MAP2K4: variants seen among roughly 807,000 people sequenced by gnomAD.
MAP2K4 encodes dual specificity mitogen-activated protein kinase kinase 4.
Under a neutral mutation model 48.5 loss-of-function variants are expected in MAP2K4, and 4 were observed. That is an observed-to-expected ratio of 0.08 (90% CI 0.04 to 0.19). The LOEUF (loss-of-function observed/expected upper bound fraction) is 0.19. Ranked by LOEUF, MAP2K4 falls within the 10% of genes least tolerant of loss-of-function variation. MAP2K4 has a pLI of 1.00. For missense variants in MAP2K4, 258 were observed against 493.3 expected, an observed-to-expected ratio of 0.52 and a Z score of 4.52; for synonymous variants, 166 against 173.1, an observed-to-expected ratio of 0.96 and a Z score of 0.32.
chr17:12,078,838 C>T (rs991566381), intron 2 of MAP2K4, among the ~76,000 whole-genome samples: 1 of 152,088 alleles, frequency 6.6e-6, no homozygotes, highest in African/African-American at 2.4e-5. Flanking sequence ...AGTGCTGTAT[C>T]TGTGTATAGT....
At chr17:12,120,534 T>TC (rs33918738) in intron 7 of MAP2K4, among the ~76,000 whole-genome samples, 116,396 of 136,908 alleles carry the variant, frequency 0.85, 51,216 homozygotes, top group East Asian at 0.97. Context: ...GCTCCCTCAT[T>TC]CCCCCCCCCA....
At chr17:12,031,205 C>T (rs760245879) in intron 1 of MAP2K4, among the ~76,000 whole-genome samples, 2 of 152,172 alleles carry the variant, frequency 1.3e-5, no homozygotes, top group Non-Finnish European at 2.9e-5. Context: ...TGGATTACTT[C>T]GGTGGTGCAC....
At chr17:12,088,213 T>G (rs1038064772) in intron 3 of MAP2K4, among the ~76,000 whole-genome samples, 1 of 151,884 alleles carries the variant, frequency 6.6e-6, no homozygotes, top group Non-Finnish European at 1.5e-5. Context: ...TCTACATCAC[T>G]GACTTTGGTT....
intron 3 of MAP2K4, among the ~76,000 whole-genome samples, chr17:12,089,908 T>C (rs1971507481): frequency 6.6e-6 from 1 of 152,198 alleles, no homozygotes; most frequent in Admixed American, 6.5e-5. Flanking sequence ...TTTGATTATG[T>C]TGCTGTTTTC....
At chr17:12,107,732 G>T in intron 4 of MAP2K4, 58 bp from the exon 5 acceptor site, 4 of 1,406,616 alleles carry the variant, frequency 2.8e-6, no homozygotes, top group Non-Finnish European at 3.9e-6. Flanking sequence ...TCCATTTTAA[G>T]TAAAGGCAAG....
chr17:12,030,482 T>C (rs900776508), intron 1 of MAP2K4, among the ~76,000 whole-genome samples: 3 of 152,178 alleles, frequency 2.0e-5, no homozygotes, highest in African/African-American at 7.2e-5. Flanking sequence ...TAGCTACTTA[T>C]ATAGATTCTG....
chr17:12,120,131 A>G (rs577575720), intron 7 of MAP2K4, among the ~76,000 whole-genome samples: 1 of 152,190 alleles, frequency 6.6e-6, no homozygotes, highest in African/African-American at 2.4e-5. Context: ...ACAAACCTGC[A>G]TGTGTAATCC....
chr17:12,110,281 G>C lies in MAP2K4; in HGVS notation c.634-94G>C. ...AAATATTAAGCTTAAAATGTATGCA[G>C]AGGACTACACGGGATATTACTTGTG... On this transcript the variant is annotated intron_variant, in intron 5 of 10. Coordinates refer to ENST00000353533, the MANE Select transcript of MAP2K4 (RefSeq NM_003010.4). 4 of 805,610 alleles carry C rather than the reference G, an allele frequency of 5.0e-6. No homozygotes were observed. In the South Asian group the frequency reaches 6.2e-5, roughly 12 times the overall value. The allele number at this position is 805,610 out of a possible 1,614,324, so 49.9% of individuals were successfully genotyped here. A position where few individuals can be genotyped will look rare whatever the true frequency, so the allele number is the denominator to read the frequency against.
intron 5 of MAP2K4, among the ~76,000 whole-genome samples, chr17:12,109,459 GTA>G (rs1313210686): frequency 1.3e-5 from 2 of 152,174 alleles, no homozygotes; most frequent in Non-Finnish European, 2.9e-5. Flanking sequence ...TACATTTCTT[GTA>G]CCTAGCAGCT....
intron 4 of MAP2K4, among the ~76,000 whole-genome samples, chr17:12,105,617 G>A (rs1303426735): frequency 6.6e-6 from 1 of 151,762 alleles, no homozygotes; most frequent in East Asian, 2.0e-4. Context: ...TTTTCTGCTT[G>A]AGCATGACAG....
At chr17:12,049,495 A>G (rs974790930) in intron 1 of MAP2K4, among the ~76,000 whole-genome samples, 5 of 152,234 alleles carry the variant, frequency 3.3e-5, no homozygotes, top group African/African-American at 7.2e-5. Context: ...GATTCTTTTC[A>G]TTAGTTGGGT....
chr17:12,025,627 T>G (rs1598012165), intron 1 of MAP2K4, among the ~76,000 whole-genome samples: 1 of 152,322 alleles, frequency 6.6e-6, no homozygotes, highest in East Asian at 1.9e-4. Context: ...CAGAAAACTT[T>G]GTGACCAGTC....
chr17:12,110,546 C>CA (rs1972271211), intron 6 of MAP2K4, 120 bp downstream of exon 6: 4 of 709,910 alleles, frequency 5.6e-6, no homozygotes, highest in Non-Finnish European at 7.1e-6. Context: ...GTATTTTTAG[C>CA]AAAAAATGCT....
In MAP2K4 at chr17:12,142,446, C is replaced by T. The variant is rs373075028; in HGVS notation, c.*1186C>T. 1.5e-3 allele frequency: 345 copies of T among 233,022 alleles called. 4 individuals carry two copies. The highest frequency in any genetic ancestry group is 8.9e-3 in the Middle Eastern group (7 of 786). 14.4% of individuals were successfully genotyped at this position (233,022 alleles called of 1,614,324 possible). A position where few individuals can be genotyped will look rare whatever the true frequency, so the allele number is the denominator to read the frequency against. Reference sequence around the variant, plus strand: ...TTGCCTTTTTTCTATATCAAAAAACCTTTACAGTTAGCAGGGATGTTCCTT... The same window carrying T: ...TTGCCTTTTTTCTATATCAAAAAACTTTTACAGTTAGCAGGGATGTTCCTT... On this transcript the variant is annotated 3_prime_UTR_variant, in exon 11 of 11. Transcript: ENST00000353533.
At chr17:12,136,757 G>C (rs944762831) in intron 9 of MAP2K4, among the ~76,000 whole-genome samples, 6 of 152,138 alleles carry the variant, frequency 3.9e-5, no homozygotes, top group African/African-American at 1.4e-4. Context: ...TGCTCCAGTA[G>C]ATGAAATAGA....
intron 5 of MAP2K4, among the ~76,000 whole-genome samples, chr17:12,108,936 CTAATA>C (rs1202392634): frequency 1.3e-5 from 2 of 151,944 alleles, no homozygotes; most frequent in African/African-American, 4.8e-5. Context: ...CCATCTCTCT[CTAATA>C]TATTAAACCC....
Position 12,142,065 on chromosome 17 carries a change from C to T in MAP2K4, c.*805C>T, listed in dbSNP as rs186704791. On this transcript the variant is annotated 3_prime_UTR_variant, in exon 11 of 11. Coordinates refer to ENST00000353533, the MANE Select transcript of MAP2K4 (RefSeq NM_003010.4). ...TTCATTCTCAGAATTCGGTGTGCTG[C>T]CAACTTGATGTTCCACCTGCCACAA... 387 of 233,378 alleles carry T rather than the reference C, an allele frequency of 1.7e-3. No individual in the cohort carries two copies. The highest frequency in any genetic ancestry group is 2.1e-3 in the Non-Finnish European group (246 of 117,910). 14.5% of individuals were successfully genotyped at this position (233,378 alleles called of 1,614,324 possible).
intron 2 of MAP2K4, among the ~76,000 whole-genome samples, chr17:12,061,064 A>G (rs1970436564): frequency 6.6e-6 from 1 of 152,206 alleles, no homozygotes; most frequent in Non-Finnish European, 1.5e-5. Flanking sequence ...AAGTGGAATC[A>G]TAACAATATT....
At chr17:12,116,955 T>A (rs1418390910) in intron 7 of MAP2K4, among the ~76,000 whole-genome samples, 1 of 152,200 alleles carries the variant, frequency 6.6e-6, no homozygotes, top group Admixed American at 6.5e-5. Flanking sequence ...AATGTGTCAC[T>A]CTACGTTATG....
Sources: allele counts gnomAD v4.1 joint callset (sites outside exome capture counted in the v4.1 genomes callset), GRCh38; gene constraint gnomAD v4.1.1; transcripts MANE v1.5; gene names NCBI Gene and HGNC (gene_info 2026-07-23, HGNC 2026-07-21).